Variants in ACYP2 observed in about 807,000 individuals in gnomAD.
ACYP2 encodes acylphosphatase-2.
A neutral mutation model predicts 11.2 loss-of-function variants in ACYP2; 12 were observed. That is an observed-to-expected ratio of 1.08 (90% CI 0.69 to 1.74). ACYP2 has a LOEUF of 1.74. ACYP2 is among the 40% of genes most tolerant of loss of function. The probability of loss-of-function intolerance (pLI) is 0.00; values close to 1 mark genes in which losing one functional copy is unlikely to be tolerated. For missense variants in ACYP2, 134 were observed against 101.9 expected (o/e 1.31, Z -1.35); for synonymous variants, 43 against 32.2 (o/e 1.33, Z -1.13).
At chr2:53,972,844 A>G (rs1367331712) in intron 1 of ACYP2, among the ~76,000 whole-genome samples, 2 of 152,234 alleles carry the variant, frequency 1.3e-5, no homozygotes, top group African/African-American at 4.8e-5. Flanking sequence ...GATAAAGAAC[A>G]CAGCAGAAAC....
At position 53,985,070 on chromosome 2, in the gene ACYP2, C is replaced by CTT. The variant is rs1178409999; in HGVS notation, c.62+11276_62+11277dup. Among the ~76,000 whole-genome samples the CTT allele has an allele frequency of 6.0e-3, 811 of 134,962 alleles. 10 individuals carry two copies. The highest frequency in any genetic ancestry group is 0.021 in the African/African-American group (763 of 36,454). The allele number at this position is 134,962 out of a possible 152,430, so 88.5% of individuals were successfully genotyped here. The stretch of plus-strand genomic sequence containing the variant: ...GCTTAGGATTTAGCATTTTTTCTTT[C>CTT]TTTTTTTTTTTTTTTTTGAGATGGA... On this transcript the variant is annotated intron_variant, in intron 2 of 6. Coordinates refer to ENST00000607452, the MANE Select transcript of ACYP2 (RefSeq NM_001320586.2).
Position 54,058,479 on chromosome 2 carries a change from T to G in ACYP2, c.277+1119T>G, listed in dbSNP as rs1676280544. Among the ~76,000 whole-genome samples, 3 of 152,164 alleles carry G rather than the reference T, an allele frequency of 2.0e-5. No homozygotes were observed. In the South Asian group the frequency reaches 6.2e-4, roughly 31 times the overall value. On this transcript the variant is annotated intron_variant, in intron 4 of 6. Coordinates refer to ENST00000607452, the MANE Select transcript of ACYP2 (RefSeq NM_001320586.2). Reference sequence around the variant, plus strand: ...CCCCTGACACACACATATTTCCCTCTCCTGTCATTCTAATATAATTCTAAC... The same window carrying G: ...CCCCTGACACACACATATTTCCCTCGCCTGTCATTCTAATATAATTCTAAC...
chr2:54,102,638 CAAAAAAAA>C (rs58842257), intron 4 of ACYP2, among the ~76,000 whole-genome samples: 464 of 83,074 alleles, frequency 5.6e-3, no homozygotes, highest in African/African-American at 0.025. Flanking sequence ...TGGCTTAAGC[CAAAAAAAA>C]AAAAAAAAAA....
chr2:54,208,422 G>C (rs1685171739), intron 6 of ACYP2, among the ~76,000 whole-genome samples: 1 of 151,968 alleles, frequency 6.6e-6, no homozygotes, highest in Non-Finnish European at 1.5e-5. Flanking sequence ...GGTTTGTTGT[G>C]TGGGTGTGGG....
intron 2 of ACYP2, among the ~76,000 whole-genome samples, chr2:54,034,826 T>G (rs948347685): frequency 6.6e-6 from 1 of 151,698 alleles, no homozygotes; most frequent in Non-Finnish European, 1.5e-5. Context: ...CTGGCCAACA[T>G]AGTAAAACCC....
At chr2:54,078,280 G>A (rs977059774) in intron 4 of ACYP2, among the ~76,000 whole-genome samples, 2 of 151,740 alleles carry the variant, frequency 1.3e-5, no homozygotes, top group African/African-American at 4.8e-5. Context: ...CTCTGACACG[G>A]GGAAGTGTGC....
rs766919673 is a variant in ACYP2 at position 54,244,456 on chromosome 2, CCTCCCAAAGTGCTGGGATTACAGCA to C, written c.405-60208_405-60184del. Among the ~76,000 whole-genome samples the C allele has an allele frequency of 2.4e-3, 363 of 152,268 alleles. 1 individual carries two copies. The highest frequency in any genetic ancestry group is 6.0e-3 in the East Asian group (31 of 5,184). On this transcript the variant is annotated intron_variant, in intron 6 of 6. Coordinates refer to ENST00000607452, the MANE Select transcript of ACYP2 (RefSeq NM_001320586.2). ...ACCTCAAGTGATCTGCCTGCCTCAG[CCTCCCAAAGTGCTGGGATTACAGCA>C]CTCCCAAAGTGCTGGGATTACAGTG...
At chr2:54,108,113 A>G (rs532041173) in intron 4 of ACYP2, among the ~76,000 whole-genome samples, 1 of 152,338 alleles carries the variant, frequency 6.6e-6, no homozygotes, top group East Asian at 1.9e-4. Context: ...ATGGCACAGA[A>G]TAACTAAACT....
At chr2:54,044,839 A>T (rs1482937939) in intron 2 of ACYP2, among the ~76,000 whole-genome samples, 5 of 152,170 alleles carry the variant, frequency 3.3e-5, no homozygotes, top group Non-Finnish European at 7.3e-5. Context: ...GTTGTTGTGA[A>T]ACCATCCCTA....
intron 2 of ACYP2, among the ~76,000 whole-genome samples, chr2:54,040,755 A>G (rs1675178378): frequency 6.6e-6 from 1 of 152,156 alleles, no homozygotes; most frequent in South Asian, 2.1e-4. Flanking sequence ...AGTGGAGGAG[A>G]TCTTGATGAG....
chr2:54,010,265 C>T (rs901880944), intron 2 of ACYP2, among the ~76,000 whole-genome samples: 9 of 152,130 alleles, frequency 5.9e-5, no homozygotes, highest in African/African-American at 1.9e-4. Flanking sequence ...AGGTGGATCA[C>T]CTGAAGTCAG....
chr2:54,296,124 A>G (rs1689512473), intron 6 of ACYP2, among the ~76,000 whole-genome samples: 1 of 152,188 alleles, frequency 6.6e-6, no homozygotes, highest in Non-Finnish European at 1.5e-5. Flanking sequence ...ACACATAGAC[A>G]ATCACATAAA....
intron 6 of ACYP2, among the ~76,000 whole-genome samples, chr2:54,186,965 T>G (rs1008922092): frequency 6.6e-6 from 1 of 152,142 alleles, no homozygotes; most frequent in Non-Finnish European, 1.5e-5. Context: ...TACTGCACCA[T>G]GGAAGGAAGA....
At chr2:54,236,867 T>C (rs990988039) in intron 6 of ACYP2, among the ~76,000 whole-genome samples, 3 of 152,174 alleles carry the variant, frequency 2.0e-5, no homozygotes, top group Non-Finnish European at 4.4e-5. Context: ...AATGTAGAAG[T>C]ATTATCTCTT....
chr2:54,291,877 A>G (rs17268409), intron 6 of ACYP2, among the ~76,000 whole-genome samples: 25,958 of 152,164 alleles, frequency 0.17, 2,581 homozygotes, highest in Non-Finnish European at 0.22. Flanking sequence ...AGTGTCTTTC[A>G]GGAAAATTCT....
chr2:54,052,046 CAATA>C (rs58161337), intron 3 of ACYP2, among the ~76,000 whole-genome samples: 26,867 of 140,898 alleles, frequency 0.19, 2,573 homozygotes, highest in African/African-American at 0.25. Flanking sequence ...GACTCTGTCT[CAATA>C]AATAAATAAA....
intron 2 of ACYP2, among the ~76,000 whole-genome samples, chr2:54,023,871 A>C (rs535877647): frequency 6.6e-6 from 1 of 152,218 alleles, no homozygotes. Flanking sequence ...CAGACATTCA[A>C]AGAAGAAGTG....
At chr2:54,178,576 A>C (rs1372420197) in intron 6 of ACYP2, among the ~76,000 whole-genome samples, 3 of 152,226 alleles carry the variant, frequency 2.0e-5, no homozygotes, top group Non-Finnish European at 2.9e-5. Flanking sequence ...CAGTACTTTT[A>C]CTTGAATTTA....
At chr2:54,248,326 T>C (rs1291496154) in intron 6 of ACYP2, among the ~76,000 whole-genome samples, 1 of 152,200 alleles carries the variant, frequency 6.6e-6, no homozygotes. Flanking sequence ...GACCATATGA[T>C]AGGTGGAATA....
Sources: allele counts gnomAD v4.1 joint callset (sites outside exome capture counted in the v4.1 genomes callset), GRCh38; gene constraint gnomAD v4.1.1; transcripts MANE v1.5; gene names NCBI Gene and HGNC (gene_info 2026-07-23, HGNC 2026-07-21).